Variants in EXOC4 observed in about 807,000 individuals in gnomAD.
The protein encoded by EXOC4 is exocyst complex component 4.
Under a neutral mutation model 107.2 loss-of-function variants are expected in EXOC4, and 71 were observed. The observed-to-expected ratio is 0.66, with a 90% CI of 0.55 to 0.81. The LOEUF is 0.81. Among genes scored for constraint, EXOC4 ranks in the 30% least tolerant of loss-of-function variants. EXOC4 has a pLI of 0.00. For synonymous variants in EXOC4, 456 were observed against 441.2 expected, an observed-to-expected ratio of 1.03 and a Z score of -0.42; for missense variants, 1,108 against 1,189.6, an observed-to-expected ratio of 0.93 and a Z score of 1.01.
At chr7:134,026,880 A>G (rs1019674699) in intron 17 of EXOC4, among the ~76,000 whole-genome samples, 11 of 152,228 alleles carry the variant, frequency 7.2e-5, no homozygotes, top group African/African-American at 2.4e-4. Context: ...AGAAGGTTAC[A>G]GAGTATAATT....
intron 4 of EXOC4, among the ~76,000 whole-genome samples, chr7:133,314,489 C>T (rs563271167): frequency 6.6e-6 from 1 of 152,246 alleles, no homozygotes; most frequent in African/African-American, 2.4e-5. Flanking sequence ...AGTTTGAGGG[C>T]CCTTCTGGCT....
At chr7:134,000,186 G>A (rs537552480) in intron 15 of EXOC4, among the ~76,000 whole-genome samples, 5 of 152,152 alleles carry the variant, frequency 3.3e-5, no homozygotes, top group African/African-American at 7.2e-5. Flanking sequence ...TTAAAGTAAG[G>A]TAGATACAAC....
At chr7:133,918,492 C>G (rs2059298) in intron 13 of EXOC4, among the ~76,000 whole-genome samples, 70,722 of 152,120 alleles carry the variant, frequency 0.46, 17,689 homozygotes, top group African/African-American at 0.65. Context: ...GTCCATAGAA[C>G]TGTCAGTTGG....
intron 10 of EXOC4, among the ~76,000 whole-genome samples, chr7:133,686,991 TTTTGTGTGTGTGTGTGTGTGTG>T (rs1268914147): frequency 6.2e-5 from 9 of 144,760 alleles, no homozygotes; most frequent in East Asian, 2.0e-4. Flanking sequence ...GGATAAAGAA[TTTTGTGTGTGTGTGTGTGTGTG>T]TGTGTGTGTG....
intron 10 of EXOC4, among the ~76,000 whole-genome samples, chr7:133,636,915 T>G (rs1187876307): frequency 2.6e-5 from 4 of 152,146 alleles, no homozygotes; most frequent in Non-Finnish European, 4.4e-5. Flanking sequence ...CTAGTAACAG[T>G]CAGAACAAGT....
chr7:133,281,308 A>T (rs1794132860), intron 2 of EXOC4, among the ~76,000 whole-genome samples: 1 of 150,690 alleles, frequency 6.6e-6, no homozygotes, highest in African/African-American at 2.4e-5. Context: ...AAATAAATAA[A>T]TAAAAAGAAA....
At chr7:133,390,202 A>G (rs1796821879) in intron 7 of EXOC4, among the ~76,000 whole-genome samples, 1 of 152,234 alleles carries the variant, frequency 6.6e-6, no homozygotes, top group Admixed American at 6.5e-5. Context: ...GGACCAGCTC[A>G]GAAACTCGTG....
intron 13 of EXOC4, among the ~76,000 whole-genome samples, chr7:133,932,928 GA>G: frequency 6.6e-6 from 1 of 152,274 alleles, no homozygotes; most frequent in African/African-American, 2.4e-5. Flanking sequence ...GAGAGAGAGA[GA>G]GAGAGGGAGA....
At chr7:133,496,192 C>T (rs1057176079) in intron 9 of EXOC4, among the ~76,000 whole-genome samples, 2 of 152,044 alleles carry the variant, frequency 1.3e-5, no homozygotes, top group African/African-American at 4.8e-5. Flanking sequence ...CTCTGTCCCC[C>T]AGGCTGGAGT....
At chr7:133,612,070 C>G (rs903062619) in intron 9 of EXOC4, among the ~76,000 whole-genome samples, 1 of 152,078 alleles carries the variant, frequency 6.6e-6, no homozygotes, top group South Asian at 2.1e-4. Context: ...TGTTTGTAAT[C>G]TTTAGTATTC....
chr7:133,448,648 A>G (rs1798273062), intron 7 of EXOC4, among the ~76,000 whole-genome samples: 1 of 152,082 alleles, frequency 6.6e-6, no homozygotes, highest in Non-Finnish European at 1.5e-5. Flanking sequence ...CTTATGGTGG[A>G]TAGAGTTGTA....
At chr7:133,793,231 A>G (rs1796741678) in intron 10 of EXOC4, among the ~76,000 whole-genome samples, 1 of 152,182 alleles carries the variant, frequency 6.6e-6, no homozygotes. Context: ...TGGTGATTTG[A>G]AGAGATATTA....
chr7:133,731,281 A>G (rs1171381426), intron 10 of EXOC4, among the ~76,000 whole-genome samples: 2 of 152,192 alleles, frequency 1.3e-5, no homozygotes, highest in South Asian at 2.1e-4. Context: ...AACACCATCT[A>G]TCTCTAGGAT....
At chr7:133,489,146 A>G (rs1799325325) in intron 9 of EXOC4, among the ~76,000 whole-genome samples, 1 of 151,968 alleles carries the variant, frequency 6.6e-6, no homozygotes, top group Non-Finnish European at 1.5e-5. Flanking sequence ...AGGTAAGGGC[A>G]TAAATATAAA....
chr7:133,707,973 A>G (rs1339768432), intron 10 of EXOC4, among the ~76,000 whole-genome samples: 5 of 152,192 alleles, frequency 3.3e-5, no homozygotes, highest in Non-Finnish European at 7.4e-5. Context: ...GTGAACAATT[A>G]CTTAGATAAT....
chr7:133,752,415 A>G (rs186666995), intron 10 of EXOC4, among the ~76,000 whole-genome samples: 2 of 152,292 alleles, frequency 1.3e-5, no homozygotes, highest in Non-Finnish European at 2.9e-5. Context: ...AGTCCACAAT[A>G]TTCTCATCAT....
chr7:133,822,523 T>C (rs76922657), intron 11 of EXOC4, among the ~76,000 whole-genome samples: 3,764 of 152,340 alleles, frequency 0.025, 164 homozygotes, highest in African/African-American at 0.086. Context: ...ATACCCTTGC[T>C]ACTTAGAGAG....
At chr7:133,914,646 GA>G (rs11337806) in intron 12 of EXOC4, among the ~76,000 whole-genome samples, 70,947 of 151,292 alleles carry the variant, frequency 0.47, 17,942 homozygotes, top group African/African-American at 0.66. Context: ...AAAAAAAAAG[GA>G]AAAAAAAATT....
At chr7:133,589,940 G>A (rs924885435) in intron 9 of EXOC4, among the ~76,000 whole-genome samples, 1 of 152,020 alleles carries the variant, frequency 6.6e-6, no homozygotes, top group Non-Finnish European at 1.5e-5. Context: ...ATTGTCTCAC[G>A]ACCAGAAAAA....
Sources: allele counts gnomAD v4.1 joint callset (sites outside exome capture counted in the v4.1 genomes callset), GRCh38; gene constraint gnomAD v4.1.1; transcripts MANE v1.5; gene names NCBI Gene and HGNC (gene_info 2026-07-23, HGNC 2026-07-21).